Variants in MAGI2 observed in about 807,000 individuals in gnomAD.
MAGI2 encodes membrane associated guanylate kinase, WW and PDZ domain containing 2, also known as membrane-associated guanylate kinase, WW and PDZ domain-containing protein 2.
A neutral mutation model predicts 133.3 loss-of-function variants in MAGI2; 35 were observed. The observed-to-expected ratio is 0.26, with a 90% CI of 0.20 to 0.35. The LOEUF is 0.35. Among genes scored for constraint, MAGI2 ranks in the 10% least tolerant of loss-of-function variants. The probability of loss-of-function intolerance (pLI) is 1.00; values close to 1 mark genes in which losing one functional copy is unlikely to be tolerated. For synonymous variants in MAGI2, 729 were observed against 710.6 expected, an observed-to-expected ratio of 1.03 and a Z score of -0.41; for missense variants, 1,636 against 1,863.4, an observed-to-expected ratio of 0.88 and a Z score of 2.25.
chr7:78,863,821 C>G (rs1466155000), intron 2 of MAGI2, among the ~76,000 whole-genome samples: 1 of 152,312 alleles, frequency 6.6e-6, no homozygotes, highest in East Asian at 1.9e-4. Flanking sequence ...TCCTGTTTAT[C>G]CACTTTTATC....
At chr7:78,469,286 G>A (rs923479944) in intron 6 of MAGI2, among the ~76,000 whole-genome samples, 6 of 152,138 alleles carry the variant, frequency 3.9e-5, no homozygotes, top group Non-Finnish European at 7.4e-5. Flanking sequence ...CAAATGGGAA[G>A]TAAAGCACTG....
In MAGI2 at chr7:78,343,760, A is replaced by G; in HGVS notation, c.1408+18T>C. ...AAAGATGTTGCAAAACAATTTTCTA[A>G]ACCATGAAGGACCTTACCTGTTTCC... On this transcript the variant is annotated intron_variant, in intron 9 of 21. Transcript: ENST00000354212. 6.9e-7 allele frequency: 1 copy of G among 1,441,066 alleles called. No individual in the cohort carries two copies. Among genetic ancestry groups the G allele is most frequent in the South Asian group, 1.7e-5 (1 of 60,164 alleles). 89.3% of individuals were successfully genotyped at this position (1,441,066 alleles called of 1,614,324 possible).
At chr7:78,670,249 G>A (rs1305262158) in intron 2 of MAGI2, among the ~76,000 whole-genome samples, 3 of 152,022 alleles carry the variant, frequency 2.0e-5, no homozygotes, top group African/African-American at 7.2e-5. Flanking sequence ...TCAATGTGCA[G>A]AAATCACAAG....
chr7:78,391,989 G>A (rs1453535551), intron 6 of MAGI2, among the ~76,000 whole-genome samples: 1 of 152,198 alleles, frequency 6.6e-6, no homozygotes, highest in Non-Finnish European at 1.5e-5. Flanking sequence ...TTGTAAGCAG[G>A]TAGTGAGAGC....
chr7:78,275,528 A>T (rs1794978367), intron 9 of MAGI2, among the ~76,000 whole-genome samples: 1 of 152,196 alleles, frequency 6.6e-6, no homozygotes, highest in Non-Finnish European at 1.5e-5. Flanking sequence ...TGGGCTAGTC[A>T]GCCTGCCCAA....
chr7:78,815,810 CTT>C (rs1789526134), intron 2 of MAGI2, among the ~76,000 whole-genome samples: 1 of 152,162 alleles, frequency 6.6e-6, no homozygotes, highest in South Asian at 2.1e-4. Context: ...CTCTCCCTCT[CTT>C]TGTGTGTCTT....
chr7:78,422,537 T>C (rs1225901992), intron 6 of MAGI2, among the ~76,000 whole-genome samples: 1 of 150,072 alleles, frequency 6.7e-6, no homozygotes, highest in Non-Finnish European at 1.5e-5. Flanking sequence ...CTCCTTAGGA[T>C]AATTTTCTAT....
chr7:78,996,591 T>A lies in MAGI2; in HGVS notation c.418+10499A>T, dbSNP rs117702051. 8.9e-4 allele frequency among the ~76,000 whole-genome samples: 135 copies of A among 152,204 alleles called. 2 individuals are homozygous for A. The East Asian group carries it at 0.025, about 28-fold the overall frequency. ...TAATACCTGGATGAATGAAATAGAC[T>A]GTACAACAAACCCCCATGATACAAG... On this transcript the variant is annotated intron_variant, in intron 2 of 21. Transcript: ENST00000354212.
chr7:78,483,214 A>G (rs1792607973), intron 6 of MAGI2, among the ~76,000 whole-genome samples: 2 of 151,960 alleles, frequency 1.3e-5, no homozygotes, highest in Non-Finnish European at 2.9e-5. Context: ...GTTTTTAAAA[A>G]GCCATATTTG....
At chr7:78,659,270 G>A (rs1038985238) in intron 2 of MAGI2, among the ~76,000 whole-genome samples, 1 of 151,782 alleles carries the variant, frequency 6.6e-6, no homozygotes, top group Non-Finnish European at 1.5e-5. Context: ...TTAACATGAT[G>A]AAACCCCATC....
chr7:79,311,907 T>A (rs193087769), intron 1 of MAGI2, among the ~76,000 whole-genome samples: 3 of 152,278 alleles, frequency 2.0e-5, no homozygotes, highest in Non-Finnish European at 4.4e-5. Flanking sequence ...TCATATCTGG[T>A]TCGTTAGCAA....
At chr7:78,100,767 C>G (rs546873273) in intron 20 of MAGI2, among the ~76,000 whole-genome samples, 1 of 152,268 alleles carries the variant, frequency 6.6e-6, no homozygotes, top group South Asian at 2.1e-4. Context: ...AAAATTGTCT[C>G]TGTTTGCAGA....
At chr7:78,077,723 ATGTTT>A (rs1327752392) in intron 21 of MAGI2, among the ~76,000 whole-genome samples, 6 of 95,980 alleles carry the variant, frequency 6.3e-5, no homozygotes, top group African/African-American at 3.1e-4. Context: ...ACTCTTTAGA[ATGTTT>A]TTTTTTTTTT....
At chr7:78,672,384 C>T (rs1814498925) in intron 2 of MAGI2, among the ~76,000 whole-genome samples, 1 of 152,162 alleles carries the variant, frequency 6.6e-6, no homozygotes, top group Non-Finnish European at 1.5e-5. Flanking sequence ...TGGCATCATG[C>T]TCCCTATACA....
intron 6 of MAGI2, among the ~76,000 whole-genome samples, chr7:78,434,671 C>T (rs1242142684): frequency 6.6e-6 from 1 of 151,948 alleles, no homozygotes; most frequent in African/African-American, 2.4e-5. Context: ...TAGAGTAGGG[C>T]AATGAATAGG....
chr7:78,163,678 G>A (rs972791430), intron 15 of MAGI2, among the ~76,000 whole-genome samples: 19 of 151,880 alleles, frequency 1.3e-4, no homozygotes, highest in African/African-American at 2.9e-4. Context: ...AGGCCGAGGC[G>A]GGCGGATCAC....
At chr7:79,225,131 T>C (rs951257990) in intron 1 of MAGI2, among the ~76,000 whole-genome samples, 1 of 152,212 alleles carries the variant, frequency 6.6e-6, no homozygotes, top group Non-Finnish European at 1.5e-5. Flanking sequence ...TATGCCTCAA[T>C]TCCATGCTAG....
At chr7:79,317,331 A>C (rs1470431857) in intron 1 of MAGI2, among the ~76,000 whole-genome samples, 2 of 152,046 alleles carry the variant, frequency 1.3e-5, no homozygotes, top group East Asian at 3.9e-4. Context: ...GCCAAACTGT[A>C]GCTTTTAGAA....
intron 1 of MAGI2, among the ~76,000 whole-genome samples, chr7:79,032,138 A>G (rs1325840517): frequency 6.6e-6 from 1 of 152,204 alleles, no homozygotes; most frequent in African/African-American, 2.4e-5. Context: ...GGCAAATGCA[A>G]TTAATTTTAA....
Sources: gnomAD v4.1 joint callset for allele counts (sites outside exome capture counted in the v4.1 genomes callset) on GRCh38, gnomAD v4.1.1 for gene constraint, MANE v1.5 for transcripts, NCBI Gene and HGNC (gene_info 2026-07-23, HGNC 2026-07-21) for gene names.